EMC2: variants seen among roughly 807,000 people sequenced by gnomAD.
EMC2 encodes the protein ER membrane protein complex subunit 2.
EMC2 carries 37 observed loss-of-function variants against 51.6 expected under a neutral mutation model. That is an observed-to-expected ratio of 0.72 (90% confidence interval 0.55 to 0.94). EMC2 has a LOEUF of 0.94. Ranked by LOEUF, EMC2 falls within the 40% of genes least tolerant of loss-of-function variation. The pLI is 0.00. For synonymous variants in EMC2, 131 were observed against 112.4 expected (o/e 1.17, Z -1.04); for missense variants, 359 against 350.9 (o/e 1.02, Z -0.18).
chr8:108,463,718 C>T (rs1358005147), intron 5 of EMC2, among the ~76,000 whole-genome samples: 2 of 151,702 alleles, frequency 1.3e-5, no homozygotes, highest in Admixed American at 6.6e-5. Flanking sequence ...GGGTGGGGGT[C>T]GATTTTTATT....
intron 3 of EMC2, among the ~76,000 whole-genome samples, chr8:108,451,067 G>C (rs1235873668): frequency 6.6e-6 from 1 of 152,126 alleles, no homozygotes; most frequent in African/African-American, 2.4e-5. Context: ...GCCAGGCGTG[G>C]TGGAGCGTGC....
intron 5 of EMC2, chr8:108,464,011 C>T (rs1048000110): frequency 6.6e-6 from 1 of 152,324 alleles, no homozygotes; most frequent in Admixed American, 6.5e-5. Flanking sequence ...TCCTTCAATT[C>T]CTTATAAAAT....
intron 10 of EMC2, among the ~76,000 whole-genome samples, chr8:108,485,860 T>G (rs1811128738): frequency 6.6e-6 from 1 of 151,748 alleles, no homozygotes; most frequent in South Asian, 2.1e-4. Context: ...CCAATTAGTT[T>G]TATAATGTAA....
At chr8:108,444,160 G>A (rs181535455) in intron 1 of EMC2, among the ~76,000 whole-genome samples, 161 of 152,330 alleles carry the variant, frequency 1.1e-3, no homozygotes, top group South Asian at 2.9e-3. Flanking sequence ...GTGAACAAAT[G>A]TGATTCTCAT....
At position 108,453,088 on chromosome 8, in the gene EMC2, G is replaced by T; in HGVS notation, c.246G>T (p.Gln82His). ...TTTGTCTTCAAGAGCTGAGAAGACAGTTCCCTGGCAGTCACAGAGTCAAGC... is the reference window on the plus strand; with the variant it reads ...TTTGTCTTCAAGAGCTGAGAAGACATTTCCCTGGCAGTCACAGAGTCAAGC... Reference protein sequence around the residue: ...ALFCLQELRRQFPGSHRVKRL... With the variant: ...ALFCLQELRRHFPGSHRVKRL... Residue 82 changes from glutamine (Q) to histidine (H), a missense_variant, in exon 4 of 11, where the codon CAG becomes CAT. Transcript: ENST00000220853. The T allele has an allele frequency of 6.2e-7, 1 of 1,604,460 alleles. No individual in the cohort carries two copies.
chr8:108,451,799 A>G (rs1465538918), intron 3 of EMC2, among the ~76,000 whole-genome samples: 1 of 152,244 alleles, frequency 6.6e-6, no homozygotes, highest in African/African-American at 2.4e-5. Context: ...ACAATTAAAC[A>G]GTAACTTTAT....
chr8:108,463,242 A>G (rs1286127071), intron 5 of EMC2, among the ~76,000 whole-genome samples: 3 of 152,218 alleles, frequency 2.0e-5, no homozygotes, highest in African/African-American at 4.8e-5. Context: ...GAAATAGGAT[A>G]TATTTTGAAG....
chr8:108,474,525 C>T (rs539781022), intron 7 of EMC2: 2 of 150,132 alleles, frequency 1.3e-5, no homozygotes, highest in South Asian at 4.2e-4. Context: ...ATGGAAAGGG[C>T]TAAATAGCTG....
Position 108,487,541 on chromosome 8 carries a change from C to T in EMC2, c.*943C>T, listed in dbSNP as rs2130428512. Among the ~76,000 whole-genome samples the T allele has an allele frequency of 6.6e-6, 1 of 151,980 alleles. No individual in the cohort carries two copies. Among genetic ancestry groups the T allele is most frequent in the Admixed American group, 6.6e-5 (1 of 15,260 alleles). On this transcript the variant is annotated 3_prime_UTR_variant, in exon 11 of 11. Coordinates refer to ENST00000220853, the MANE Select transcript of EMC2 (RefSeq NM_014673.5). ...ACATGTTTCAACAAAATAGAAGAGA[C>T]TTGAAAGTTAAATTTCATTTAGACA...
At chr8:108,484,377 C>T (rs1293628244) in intron 10 of EMC2, among the ~76,000 whole-genome samples, 1 of 151,958 alleles carries the variant, frequency 6.6e-6, no homozygotes, top group African/African-American at 2.4e-5. Flanking sequence ...GTATTTCCAA[C>T]TTTCTTTTAT....
At chr8:108,458,830 G>A (rs542039024) in intron 5 of EMC2, among the ~76,000 whole-genome samples, 66 of 152,268 alleles carry the variant, frequency 4.3e-4, no homozygotes, top group African/African-American at 1.5e-3. Context: ...TCTGCAGCTG[G>A]CTTGAATTTC....
chr8:108,455,943 A>G lies in EMC2; in HGVS notation c.363+13A>G, dbSNP rs746521386. On this transcript the variant is annotated intron_variant, in intron 5 of 10. Transcript: ENST00000220853. ...TCCAACTAACACTGTAAGTTGGCAG[A>G]TTGTCTTGAAAAAAATCTAAAGTTT... 2.3e-6 allele frequency: 3 copies of G among 1,285,792 alleles called. No homozygotes were observed. The highest frequency in any genetic ancestry group is 1.1e-6 in the Non-Finnish European group (1 of 944,468). 79.6% of individuals were successfully genotyped at this position (1,285,792 alleles called of 1,614,324 possible).
intron 1 of EMC2, among the ~76,000 whole-genome samples, chr8:108,445,626 A>G (rs1818860472): frequency 6.6e-6 from 1 of 151,988 alleles, no homozygotes; most frequent in African/African-American, 2.4e-5. Flanking sequence ...CAATAAAATG[A>G]AGCAACAAAA....
intron 4 of EMC2, among the ~76,000 whole-genome samples, chr8:108,455,307 CTT>C (rs1174183576): frequency 6.6e-6 from 1 of 152,050 alleles, no homozygotes; most frequent in Non-Finnish European, 1.5e-5. Context: ...CCTCCTGACT[CTT>C]TTGAGTTATG....
chr8:108,469,754 A>T, intron 5 of EMC2, 72 bp from the exon 6 acceptor site: 1 of 1,247,240 alleles, frequency 8.0e-7, no homozygotes, highest in South Asian at 1.2e-5. Flanking sequence ...TAATTTGCAC[A>T]GTCAAATTAC....
At chr8:108,481,785 G>A (rs1811048691) in intron 10 of EMC2, among the ~76,000 whole-genome samples, 1 of 151,954 alleles carries the variant, frequency 6.6e-6, no homozygotes, top group Non-Finnish European at 1.5e-5. Flanking sequence ...TAACCCTATA[G>A]TTTATGGAAT....
intron 5 of EMC2, among the ~76,000 whole-genome samples, chr8:108,463,494 G>T (rs1819383092): frequency 6.6e-6 from 1 of 152,070 alleles, no homozygotes; most frequent in African/African-American, 2.4e-5. Context: ...CCCAGCATTT[G>T]GTAGGCTTCC....
intron 5 of EMC2, among the ~76,000 whole-genome samples, chr8:108,458,492 A>G (rs911524229): frequency 6.6e-6 from 1 of 152,258 alleles, no homozygotes; most frequent in East Asian, 1.9e-4. Flanking sequence ...AGGGGTTCCT[A>G]AACCTCAATT....
intron 1 of EMC2, 137 bp from the exon 2 acceptor site, chr8:108,449,686 C>G (rs752892522): frequency 2.2e-5 from 11 of 509,228 alleles, no homozygotes; most frequent in Middle Eastern, 5.0e-4. Flanking sequence ...TGAGATACCA[C>G]AGACTTCTAC....
Sources: allele counts gnomAD v4.1 joint callset (sites outside exome capture counted in the v4.1 genomes callset), GRCh38; gene constraint gnomAD v4.1.1; transcripts MANE v1.5; gene names NCBI Gene and HGNC (gene_info 2026-07-23, HGNC 2026-07-21).